Variants in BRIP1 observed in about 807,000 individuals in gnomAD.
BRIP1 encodes the protein BRCA1 interacting DNA helicase 1.
BRIP1 carries 88 observed loss-of-function variants against 119.7 expected under a neutral mutation model. That is an observed-to-expected ratio of 0.74 (90% CI 0.62 to 0.88). The LOEUF (loss-of-function observed/expected upper bound fraction) is 0.88, where lower values mean the gene tolerates loss of function less well. Ranked by LOEUF, BRIP1 falls within the 40% of genes least tolerant of loss-of-function variation. The probability of loss-of-function intolerance (pLI) is 0.00; values close to 1 mark genes in which losing one functional copy is unlikely to be tolerated. For missense variants in BRIP1, 1,259 were observed against 1,455.4 expected, an observed-to-expected ratio of 0.87 and a Z score of 2.20; for synonymous variants, 443 against 496.5, an observed-to-expected ratio of 0.89 and a Z score of 1.43.
rs374282893 is a variant in BRIP1 at position 61,762,566 on chromosome 17, T to C, written c.2097+13835A>G. Among the ~76,000 whole-genome samples the C allele has an allele frequency of 5.3e-4, 81 of 152,146 alleles. No homozygotes were observed. The highest frequency in any genetic ancestry group is 2.0e-3 in the African/African-American group (81 of 41,498). On this transcript the variant is annotated intron_variant, in intron 14 of 19. Transcript: ENST00000259008. This position sits in a 1 kb window ranked among gnomAD's most constrained non-coding sequence, Gnocchi z 4.3. ...ACTCAATTTAAAAATGGGCAAGGGA[T>C]TTGAATAGACATTTCTAAAAGAAGA...
rs2077540058 is a variant in BRIP1, at chr17:61,776,672, T to C, written c.1936-110A>G. The stretch of plus-strand genomic sequence containing the variant: ...ATCAAGCAACAAGTTTAACAATTTA[T>C]TTTTAAATTGTCAGGGGGTTTTCTA... On this transcript the variant is annotated intron_variant, in intron 13 of 19. Transcript: ENST00000259008. This position sits in a 1 kb window ranked among gnomAD's most constrained non-coding sequence, Gnocchi z 5.0. 1 of 1,186,278 alleles carries C rather than the reference T, an allele frequency of 8.4e-7. No homozygotes were observed. The highest frequency in any genetic ancestry group is 1.5e-5 in the African/African-American group (1 of 65,818). The allele number at this position is 1,186,278 out of a possible 1,614,324, so 73.5% of individuals were successfully genotyped here.
At chr17:61,749,741 A>ACC (rs2077107704) in intron 14 of BRIP1, among the ~76,000 whole-genome samples, 5 of 152,226 alleles carry the variant, frequency 3.3e-5, no homozygotes, top group African/African-American at 1.2e-4. Context: ...TATGGGTTTC[A>ACC]ATATACAAGT....
chr17:61,803,571 A>G lies in BRIP1; in HGVS notation c.919-2097T>C, dbSNP rs1252170685. Reference sequence around the variant, plus strand: ...CAAAAAAAATTAAACCGCAGTGAGCAGTGACCACGCCACTGCACTCCAGCC... The same window carrying G: ...CAAAAAAAATTAAACCGCAGTGAGCGGTGACCACGCCACTGCACTCCAGCC... On this transcript the variant is annotated intron_variant, in intron 7 of 19. Coordinates refer to ENST00000259008, the MANE Select transcript of BRIP1 (RefSeq NM_032043.3). This position sits in a 1 kb window ranked among gnomAD's most constrained non-coding sequence, Gnocchi z 4.3. Among the ~76,000 whole-genome samples the G allele has an allele frequency of 6.6e-6, 1 of 152,046 alleles. No homozygotes were observed. Among genetic ancestry groups the G allele is most frequent in the Admixed American group, 6.6e-5 (1 of 15,252 alleles).
chr17:61,815,348 C>T lies in BRIP1; in HGVS notation c.628-6591G>A, dbSNP rs138107972. Among the ~76,000 whole-genome samples the T allele has an allele frequency of 3.5e-3, 534 of 152,230 alleles. 3 individuals carry two copies. Among genetic ancestry groups the T allele is most frequent in the Middle Eastern group, 0.017 (5 of 294 alleles). ...GTGAACCCCTAACTTTAATCAAGTG[C>T]TCAAAGCAGATTGTGACTGATTTGG... On this transcript the variant is annotated intron_variant, in intron 6 of 19. Coordinates refer to ENST00000259008, the MANE Select transcript of BRIP1 (RefSeq NM_032043.3). The surrounding 1 kb of genome is among the most constrained non-coding windows in gnomAD (Gnocchi z 4.1).
In BRIP1 at chr17:61,738,267, T is replaced by C. The variant is rs894709780; in HGVS notation, c.2379+4746A>G. Among the ~76,000 whole-genome samples the C allele has an allele frequency of 1.3e-5, 2 of 152,072 alleles. No individual in the cohort carries two copies. The highest frequency in any genetic ancestry group is 4.8e-5 in the African/African-American group (2 of 41,406). On this transcript the variant is annotated intron_variant, in intron 16 of 19. Coordinates refer to ENST00000259008, the MANE Select transcript of BRIP1 (RefSeq NM_032043.3). The surrounding 1 kb of genome is among the most constrained non-coding windows in gnomAD (Gnocchi z 4.2). ...TGTTTTAAGTCACTAAGTTTTGGAG[T>C]TGTTACAGAAGAAGAACTGATCCAG...
At position 61,774,215 on chromosome 17, in the gene BRIP1, G is replaced by GA. The variant is rs1241562477; in HGVS notation, c.2097+2185dup. On this transcript the variant is annotated intron_variant, in intron 14 of 19. Coordinates refer to ENST00000259008, the MANE Select transcript of BRIP1 (RefSeq NM_032043.3). This position sits in a 1 kb window ranked among gnomAD's most constrained non-coding sequence, Gnocchi z 5.8. ...GTCCATCAATGATAGACTGGATTAA[G>GA]AAAATGTGGCACATATACACCATAG... Among the ~76,000 whole-genome samples the GA allele has an allele frequency of 5.3e-5, 8 of 152,162 alleles. No homozygotes were observed. The highest frequency in any genetic ancestry group is 1.9e-4 in the African/African-American group (8 of 41,412).
intron 6 of BRIP1, among the ~76,000 whole-genome samples, chr17:61,835,536 A>G (rs1350397083): frequency 6.6e-6 from 1 of 152,166 alleles, no homozygotes; most frequent in Non-Finnish European, 1.5e-5. Flanking sequence ...CAAAATATGC[A>G]TGCTACTTCA....
rs563902903 is a variant in BRIP1 at position 61,798,968 on chromosome 17, A to C, written c.1340+132T>G. ...GGACTAGCCTTGTTTTTAAAGCTTA[A>C]CTGGCAAGGAACAATTCATTTCCCA... On this transcript the variant is annotated intron_variant, in intron 9 of 19. Transcript: ENST00000259008. This position sits in a 1 kb window ranked among gnomAD's most constrained non-coding sequence, Gnocchi z 5.5. 1.4e-4 allele frequency: 112 copies of C among 821,444 alleles called. 1 individual carries two copies. The South Asian group carries it at 1.6e-3, about 12-fold the overall frequency. The allele number at this position is 821,444 out of a possible 1,614,324, so 50.9% of individuals were successfully genotyped here.
At position 61,832,873 on chromosome 17, in the gene BRIP1, C is replaced by A. The variant is rs2078513908; in HGVS notation, c.627+14228G>T. On this transcript the variant is annotated intron_variant, in intron 6 of 19. Transcript: ENST00000259008. This position sits in a 1 kb window ranked among gnomAD's most constrained non-coding sequence, Gnocchi z 5.5. ...ATATTGTGATTATGTATAAGAATGT[C>A]TTTGCTTATAAGACATAGACACTAA... 6.6e-6 allele frequency among the ~76,000 whole-genome samples: 1 copy of A among 152,136 alleles called. No homozygotes were observed. The highest frequency in any genetic ancestry group is 2.4e-5 in the African/African-American group (1 of 41,426).
In BRIP1 at chr17:61,816,848, G is replaced by A. The variant is rs1459008507; in HGVS notation, c.628-8091C>T. ...TAAATAAGAATGCCAGCTAAGAATT[G>A]TAAATAAAATGATAGAATTTTAAAA... is the stretch of plus-strand genomic sequence containing the variant. On this transcript the variant is annotated intron_variant, in intron 6 of 19. Coordinates refer to ENST00000259008, the MANE Select transcript of BRIP1 (RefSeq NM_032043.3). The surrounding 1 kb of genome is among the most constrained non-coding windows in gnomAD (Gnocchi z 5.0). Among the ~76,000 whole-genome samples, 2 of 152,140 alleles carry A rather than the reference G, an allele frequency of 1.3e-5. No homozygotes were observed. Among genetic ancestry groups the A allele is most frequent in the African/African-American group, 4.8e-5 (2 of 41,440 alleles).
chr17:61,713,555 T>C lies in BRIP1; in HGVS notation c.2492+2396A>G, dbSNP rs921074041. Reference sequence around the variant, plus strand: ...TTTTTTTTTTGAGATGGAGTCTCGCTCTGTCGCCCAGGCTGGAGTGCAGTG... The same window carrying C: ...TTTTTTTTTTGAGATGGAGTCTCGCCCTGTCGCCCAGGCTGGAGTGCAGTG... On this transcript the variant is annotated intron_variant, in intron 17 of 19. Transcript: ENST00000259008. This position sits in a 1 kb window ranked among gnomAD's most constrained non-coding sequence, Gnocchi z 4.9. Among the ~76,000 whole-genome samples, 26 of 151,542 alleles carry C rather than the reference T, an allele frequency of 1.7e-4. No homozygotes were observed. Among genetic ancestry groups the C allele is most frequent in the African/African-American group, 5.3e-4 (22 of 41,282 alleles).
At chr17:61,688,119 G>C (rs752645442) in intron 18 of BRIP1, among the ~76,000 whole-genome samples, 3 of 152,166 alleles carry the variant, frequency 2.0e-5, no homozygotes, top group Admixed American at 2.0e-4. Context: ...ACTCGTTTCT[G>C]TCTTGCTTGT....
rs1002691311 is a variant in BRIP1, at chr17:61,794,035, T to C, written c.1341-306A>G. ...GTCTCTTCAACTGAGAGCCAGGTCT[T>C]AGGTACTTATCCCAAATATATATAA... On this transcript the variant is annotated intron_variant, in intron 9 of 19. Transcript: ENST00000259008. This position sits in a 1 kb window ranked among gnomAD's most constrained non-coding sequence, Gnocchi z 4.3. Among the ~76,000 whole-genome samples the C allele has an allele frequency of 7.2e-5, 11 of 152,140 alleles. No homozygotes were observed. The highest frequency in any genetic ancestry group is 1.5e-4 in the Non-Finnish European group (10 of 68,014).
chr17:61,787,406 A>T (rs2077744547), intron 10 of BRIP1, among the ~76,000 whole-genome samples: 1 of 135,794 alleles, frequency 7.4e-6, no homozygotes, highest in South Asian at 2.2e-4. Flanking sequence ...ATATTTATAT[A>T]AAATATTTAT....
intron 10 of BRIP1, among the ~76,000 whole-genome samples, chr17:61,786,578 T>C (rs1200421213): frequency 6.8e-6 from 1 of 147,176 alleles, no homozygotes; most frequent in Non-Finnish European, 1.5e-5. Flanking sequence ...TAAAAATAAC[T>C]ATAAAATATA....
rs546727788 is a variant in BRIP1, at chr17:61,847,205, A to C, written c.523T>G (p.Cys175Gly). The change falls in exon 6 of 20, where the codon TGC becomes GGC. Residue 175 changes from cysteine to glycine, a missense_variant. Cys to Gly is a radical substitution (Grantham distance 159). Transcript: ENST00000259008. ...ETTQQIRKRH[C>G]FGTEVHNLDA... ...AAATTGTGTACTTCTGTTCCAAAGC[A>C]ATGACGTTTTCTAATCTGTAAACAC... 1 of 1,613,790 alleles carries C rather than the reference A, an allele frequency of 6.2e-7. No individual in the cohort carries two copies. Among genetic ancestry groups the C allele is most frequent in the Non-Finnish European group, 8.5e-7 (1 of 1,179,786 alleles).
At chr17:61,826,900 A>C (rs1359906668) in intron 6 of BRIP1, among the ~76,000 whole-genome samples, 1 of 152,148 alleles carries the variant, frequency 6.6e-6, no homozygotes, top group Non-Finnish European at 1.5e-5. Flanking sequence ...ACACCATTTG[A>C]CCCAGCAATC....
In BRIP1 at chr17:61,780,990, A is replaced by G. The variant is rs372760869; in HGVS notation, c.1644T>C (p.Tyr548=). ...AGTAAGTCTGTTGAATCGCAATTTT[A>G]TAATCATCTGCAAATCTAGATGCAA... ...FRQNSRFADD[Y]KIAIQQTYSW... is the part of the protein sequence containing the mutation. The change falls in exon 12 of 20, where the codon TAT becomes TAC. Residue 548 remains tyrosine (Y), a synonymous_variant. Transcript: ENST00000259008. This position sits in a 1 kb window ranked among gnomAD's most constrained non-coding sequence, Gnocchi z 5.4. 1.9e-6 allele frequency: 3 copies of G among 1,613,836 alleles called. No individual in the cohort carries two copies. The African/African-American group carries it at 4.0e-5, about 22-fold the overall frequency.
rs868259072 is a variant in BRIP1 at position 61,708,911 on chromosome 17, G to C, written c.2492+7040C>G. ...GCCTACTCAGAGCTGAAAAGAAAAG[G>C]GGGGTGGAGTTCTCACATTCAGTAT... On this transcript the variant is annotated intron_variant, in intron 17 of 19. Transcript: ENST00000259008. The surrounding 1 kb of genome is among the most constrained non-coding windows in gnomAD (Gnocchi z 4.4). 4.6e-5 allele frequency among the ~76,000 whole-genome samples: 7 copies of C among 152,132 alleles called. No homozygotes were observed. Among genetic ancestry groups the C allele is most frequent in the Non-Finnish European group, 8.8e-5 (6 of 68,028 alleles).
Sources: allele counts gnomAD v4.1 joint callset (sites outside exome capture counted in the v4.1 genomes callset), GRCh38; gene constraint gnomAD v4.1.1; non-coding constraint Gnocchi (gnomAD v3.1); transcripts MANE v1.5; gene names NCBI Gene and HGNC (gene_info 2026-07-23, HGNC 2026-07-21).